Variants in CSMD3 observed in about 807,000 individuals in gnomAD.
The protein encoded by CSMD3 is CUB and Sushi multiple domains 3, also known as CUB and sushi domain-containing protein 3.
A neutral mutation model predicts 435.2 loss-of-function variants in CSMD3; 177 were observed. The observed-to-expected ratio is 0.41, with a 90% CI of 0.36 to 0.46. CSMD3 has a LOEUF of 0.46. Among genes scored for constraint, CSMD3 ranks in the 20% least tolerant of loss-of-function variants. CSMD3 has a pLI of 0.34. For missense variants in CSMD3, 4,265 were observed against 4,504.6 expected (o/e 0.95, Z 1.52); for synonymous variants, 1,656 against 1,520.5 (o/e 1.09, Z -2.07).
chr8:112,340,555 G>A (rs1447269733), intron 42 of CSMD3, among the ~76,000 whole-genome samples: 3 of 151,992 alleles, frequency 2.0e-5, no homozygotes, highest in Admixed American at 6.6e-5. Flanking sequence ...AGATACAAAA[G>A]CATTACATAA....
chr8:112,523,488 T>G (rs1433492962), intron 27 of CSMD3, among the ~76,000 whole-genome samples: 1 of 151,950 alleles, frequency 6.6e-6, no homozygotes. Context: ...ATGGGCCAAA[T>G]TTGGTATTCA....
intron 5 of CSMD3, among the ~76,000 whole-genome samples, chr8:113,057,620 T>G (rs2131351143): frequency 6.6e-6 from 1 of 152,148 alleles, no homozygotes; most frequent in African/African-American, 2.4e-5. Flanking sequence ...CACTCAATGA[T>G]TTCATTTGAA....
chr8:113,209,291 T>C (rs777578889), intron 3 of CSMD3, among the ~76,000 whole-genome samples: 16 of 152,098 alleles, frequency 1.1e-4, no homozygotes, highest in Non-Finnish European at 1.2e-4. Context: ...CTCTAAAAGG[T>C]TGTAATCTAA....
rs550639759 is a variant in CSMD3 at position 112,240,780 on chromosome 8, T to C, written c.10468+940A>G. 5.9e-5 allele frequency among the ~76,000 whole-genome samples: 9 copies of C among 152,202 alleles called. No homozygotes were observed. In the East Asian group the frequency reaches 1.7e-3, roughly 29 times the overall value. ...CCCACATGTTGTAGGAGGAATCTGG[T>C]GGGAGATAATTGAATCATGGATACT... On this transcript the variant is annotated intron_variant, in intron 66 of 70. Transcript: ENST00000297405.
chr8:112,464,589 G>T (rs970094213), intron 32 of CSMD3, among the ~76,000 whole-genome samples: 2 of 152,000 alleles, frequency 1.3e-5, no homozygotes, highest in Non-Finnish European at 2.9e-5. Flanking sequence ...ACTACATACA[G>T]GTTGAAGAAA....
At chr8:112,770,802 A>G (rs1372867807) in intron 13 of CSMD3, among the ~76,000 whole-genome samples, 4 of 152,024 alleles carry the variant, frequency 2.6e-5, no homozygotes, top group Non-Finnish European at 5.9e-5. Flanking sequence ...AAAGAATGAG[A>G]CTTGTAATAA....
At chr8:112,888,882 G>A (rs981535690) in intron 10 of CSMD3, among the ~76,000 whole-genome samples, 3 of 151,568 alleles carry the variant, frequency 2.0e-5, no homozygotes, top group African/African-American at 4.8e-5. Context: ...TCACCACAGC[G>A]TTGACTGGAA....
At chr8:112,257,210 GCT>G (rs2130304892) in intron 61 of CSMD3, among the ~76,000 whole-genome samples, 1 of 152,266 alleles carries the variant, frequency 6.6e-6, no homozygotes, top group South Asian at 2.1e-4. Flanking sequence ...AGACAAGGAT[GCT>G]CTCTCTCACC....
At chr8:112,709,959 A>G (rs960601466) in intron 13 of CSMD3, among the ~76,000 whole-genome samples, 4 of 152,080 alleles carry the variant, frequency 2.6e-5, no homozygotes, top group African/African-American at 9.7e-5. Context: ...GTAATTTTTA[A>G]AATGCTAAAT....
At chr8:112,780,559 G>A (rs1398589445) in intron 13 of CSMD3, among the ~76,000 whole-genome samples, 3 of 151,996 alleles carry the variant, frequency 2.0e-5, no homozygotes, top group Non-Finnish European at 4.4e-5. Context: ...CAAGGAAAGA[G>A]ACACTGAAGG....
intron 13 of CSMD3, among the ~76,000 whole-genome samples, chr8:112,741,505 C>A (rs962080971): frequency 2.0e-5 from 3 of 151,824 alleles, no homozygotes; most frequent in Non-Finnish European, 4.4e-5. Context: ...AACCCTTGTA[C>A]ATTTTGATAG....
chr8:113,244,744 G>A (rs1356409820), intron 3 of CSMD3, among the ~76,000 whole-genome samples: 1 of 151,994 alleles, frequency 6.6e-6, no homozygotes, highest in Non-Finnish European at 1.5e-5. Flanking sequence ...TAAATATAAG[G>A]GTTTATATCT....
chr8:112,394,418 C>T (rs1162293370), intron 35 of CSMD3, among the ~76,000 whole-genome samples: 1 of 152,142 alleles, frequency 6.6e-6, no homozygotes, highest in Non-Finnish European at 1.5e-5. Context: ...AAGATCATAT[C>T]ACTCCCCAGC....
chr8:113,378,762 A>AGT (rs5894145), intron 1 of CSMD3, among the ~76,000 whole-genome samples: 68,798 of 148,090 alleles, frequency 0.46, 16,655 homozygotes, highest in Middle Eastern at 0.58. Context: ...GTCACACTGA[A>AGT]GTGTGTGTGT....
chr8:112,400,957 A>G (rs11992322), intron 35 of CSMD3, among the ~76,000 whole-genome samples: 8,937 of 152,212 alleles, frequency 0.059, 864 homozygotes, highest in African/African-American at 0.2. Context: ...CTGTAATCCC[A>G]GTACTTTGGG....
chr8:112,624,160 C>A (rs962171387), intron 22 of CSMD3, among the ~76,000 whole-genome samples: 3 of 152,008 alleles, frequency 2.0e-5, no homozygotes, highest in African/African-American at 7.2e-5. Flanking sequence ...ATATTCACTA[C>A]AATTTAATCT....
intron 13 of CSMD3, among the ~76,000 whole-genome samples, chr8:112,731,727 A>G (rs1352522144): frequency 1.3e-5 from 2 of 152,138 alleles, no homozygotes; most frequent in Non-Finnish European, 2.9e-5. Context: ...TCAGAAAAAT[A>G]TACCCTTTTT....
chr8:112,473,269 T>TA (rs556264831), intron 31 of CSMD3, among the ~76,000 whole-genome samples: 7 of 151,860 alleles, frequency 4.6e-5, no homozygotes, highest in Non-Finnish European at 8.8e-5. Context: ...TGTGGTATGT[T>TA]AAAAAAAAGA....
chr8:112,710,137 A>G (rs898753698), intron 13 of CSMD3, among the ~76,000 whole-genome samples: 1 of 152,106 alleles, frequency 6.6e-6, no homozygotes, highest in African/African-American at 2.4e-5. Context: ...CCATAAAGAT[A>G]TGGGGTTTAT....
Sources: gnomAD v4.1 joint callset for allele counts (sites outside exome capture counted in the v4.1 genomes callset) on GRCh38, gnomAD v4.1.1 for gene constraint, MANE v1.5 for transcripts, NCBI Gene and HGNC (gene_info 2026-07-23, HGNC 2026-07-21) for gene names.